Variants in LRRC37A2 observed in about 807,000 individuals in gnomAD.
LRRC37A2 encodes the protein leucine rich repeat containing 37 member A2.
LRRC37A2 carries 9 observed loss-of-function variants against 68.8 expected under a neutral mutation model. The ratio of observed to expected loss-of-function variants is 0.13; its 90% CI spans 0.08 to 0.23. The LOEUF (loss-of-function observed/expected upper bound fraction) is 0.23, where lower values mean the gene tolerates loss of function less well. Among genes scored for constraint, LRRC37A2 ranks in the 10% least tolerant of loss-of-function variants. The pLI is 1.00. For synonymous variants in LRRC37A2, 63 were observed against 367.6 expected (o/e 0.17, Z 9.48); for missense variants, 168 against 950.4 (o/e 0.18, Z 10.82).
the LRRC37A2 span, among the ~76,000 whole-genome samples, chr17:46,866,460 G>C: frequency 6.6e-6 from 1 of 152,056 alleles, no homozygotes; most frequent in Non-Finnish European, 1.5e-5. Context: ...GTGTGTGAGG[G>C]AGTGTGAGTG....
chr17:46,881,971 C>T, the LRRC37A2 span, among the ~76,000 whole-genome samples: 3 of 152,128 alleles, frequency 2.0e-5, no homozygotes, highest in Admixed American at 2.0e-4. Flanking sequence ...TCAGACTTCC[C>T]CAATTGTCCC....
chr17:46,894,376 G>A, the LRRC37A2 span, among the ~76,000 whole-genome samples: 37 of 152,302 alleles, frequency 2.4e-4, no homozygotes, highest in African/African-American at 7.7e-4. Flanking sequence ...CCCGACCTTG[G>A]GTTTTGCCAG....
chr17:46,877,375 A>T, the LRRC37A2 span, among the ~76,000 whole-genome samples: 1 of 152,120 alleles, frequency 6.6e-6, no homozygotes, highest in Non-Finnish European at 1.5e-5. Context: ...TGTGTCCTTG[A>T]TTTGGCTTTT....
chr17:46,872,691 C>A, the LRRC37A2 span: 12 of 1,613,310 alleles, frequency 7.4e-6, no homozygotes, highest in South Asian at 6.6e-5. Flanking sequence ...CTGCGCACCT[C>A]GGCCTGCTTG....
the LRRC37A2 span, among the ~76,000 whole-genome samples, chr17:46,868,457 G>A: frequency 3.9e-5 from 6 of 152,082 alleles, no homozygotes; most frequent in East Asian, 1.9e-4. Flanking sequence ...ATAGCTGGGC[G>A]TGGTGGCACG....
At chr17:46,697,990 C>CTAGAGGAGATT in the LRRC37A2 span, among the ~76,000 whole-genome samples, 1 of 57,210 alleles carries the variant, frequency 1.7e-5, no homozygotes, top group Non-Finnish European at 3.4e-5. Flanking sequence ...CATGCCCGGC[C>CTAGAGGAGATT]ATGCTATACT....
chr17:46,952,722 G>A, the LRRC37A2 span: 4 of 152,166 alleles, frequency 2.6e-5, no homozygotes, highest in Non-Finnish European at 5.9e-5. Context: ...CAGAGAGAGA[G>A]ACAGAGAAAG....
the LRRC37A2 span, among the ~76,000 whole-genome samples, chr17:46,745,821 A>T: frequency 8.5e-5 from 13 of 152,360 alleles, no homozygotes; most frequent in South Asian, 2.5e-3. Context: ...TACTTTAAAT[A>T]TAACAGCACC....
the LRRC37A2 span, among the ~76,000 whole-genome samples, chr17:46,896,452 A>AAAGAAAGAAAGAAAG: frequency 1.5e-5 from 1 of 65,834 alleles, no homozygotes; most frequent in African/African-American, 5.2e-5. Context: ...GAAAGAAAGA[A>AAAGAAAGAAAGAAAG]AAAGAAAGAA....
At chr17:46,496,394 A>G in the LRRC37A2 span, among the ~76,000 whole-genome samples, 2 of 148,142 alleles carry the variant, frequency 1.4e-5, no homozygotes, top group African/African-American at 5.2e-5. Flanking sequence ...ACCTGAGGTC[A>G]GGAGTTCGAG....
chr17:46,859,032 A>G, the LRRC37A2 span, among the ~76,000 whole-genome samples: 1 of 145,626 alleles, frequency 6.9e-6, no homozygotes, highest in Admixed American at 7.0e-5. Context: ...GCTGGAGTGC[A>G]GTGGCATGAT....
At chr17:46,390,145 C>T in the LRRC37A2 span, among the ~76,000 whole-genome samples, 7 of 132,204 alleles carry the variant, frequency 5.3e-5, no homozygotes, top group South Asian at 6.1e-4. Flanking sequence ...GTCTGTGTGG[C>T]GGAGAGACAG....
chr17:46,726,854 T>G, the LRRC37A2 span, among the ~76,000 whole-genome samples: 1 of 152,238 alleles, frequency 6.6e-6, no homozygotes, highest in Admixed American at 6.5e-5. Flanking sequence ...GGCCCATGTC[T>G]CATTTTGTAT....
chr17:46,875,369 G>A, the LRRC37A2 span: 11 of 1,594,174 alleles, frequency 6.9e-6, no homozygotes, highest in Non-Finnish European at 9.4e-6. Flanking sequence ...GCATCAAGGT[G>A]AGCATGTCCC....
intron 11 of LRRC37A2, among the ~76,000 whole-genome samples, chr17:46,550,960 T>C (rs1456040807): frequency 1.4e-4 from 21 of 149,426 alleles, no homozygotes; most frequent in Non-Finnish European, 4.4e-5. Flanking sequence ...TGTAGACTTA[T>C]TAGATTTACA....
the LRRC37A2 span, among the ~76,000 whole-genome samples, chr17:47,044,333 T>C: frequency 1.3e-5 from 2 of 151,636 alleles, no homozygotes; most frequent in Non-Finnish European, 2.9e-5. Context: ...TGATGTTTGA[T>C]TGGATTCTCA....
the LRRC37A2 span, among the ~76,000 whole-genome samples, chr17:46,908,093 T>A: frequency 2.6e-5 from 4 of 151,456 alleles, no homozygotes; most frequent in Non-Finnish European, 4.4e-5. Context: ...GTTTGGAGGG[T>A]GGGTGAGCTG....
At chr17:46,818,648 C>T in the LRRC37A2 span, 2 of 1,488,738 alleles carry the variant, frequency 1.3e-6, no homozygotes, top group Non-Finnish European at 1.8e-6. Context: ...AGAGGGGGAG[C>T]GACGCCCCCA....
chr17:46,826,038 A>G, the LRRC37A2 span, among the ~76,000 whole-genome samples: 3 of 152,296 alleles, frequency 2.0e-5, no homozygotes, highest in East Asian at 5.8e-4. Flanking sequence ...ACAAAACAAA[A>G]CGAAACAAAA....
Sources: gnomAD v4.1 joint callset for allele counts (sites outside exome capture counted in the v4.1 genomes callset) on GRCh38, gnomAD v4.1.1 for gene constraint, MANE v1.5 for transcripts, NCBI Gene and HGNC (gene_info 2026-07-23, HGNC 2026-07-21) for gene names.